Variants in ANXA3 observed in about 807,000 individuals in gnomAD.
The protein encoded by ANXA3 is 35-alpha calcimedin.
A neutral mutation model predicts 48.8 loss-of-function variants in ANXA3; 46 were observed. The ratio of observed to expected loss-of-function variants is 0.94; its 90% CI spans 0.74 to 1.21. The LOEUF (loss-of-function observed/expected upper bound fraction) is 1.21, where lower values mean the gene tolerates loss of function less well. Ranked by LOEUF, ANXA3 falls within the 50% of genes most tolerant of loss-of-function variation. The pLI, the probability that ANXA3 is intolerant of heterozygous loss-of-function variation, is 0.00. For missense variants in ANXA3, 383 were observed against 378.6 expected (o/e 1.01, Z -0.10); for synonymous variants, 128 against 134.7 (o/e 0.95, Z 0.35).
intron 5 of ANXA3, among the ~76,000 whole-genome samples, chr4:78,585,977 C>T (rs576024071): frequency 6.6e-5 from 10 of 152,162 alleles, no homozygotes; most frequent in Non-Finnish European, 1.2e-4. Context: ...TAGACTGTCA[C>T]TTCTAATCTT....
chr4:78,598,465 A>G (rs1723467778), intron 10 of ANXA3, among the ~76,000 whole-genome samples: 1 of 152,148 alleles, frequency 6.6e-6, no homozygotes, highest in Admixed American at 6.6e-5. Flanking sequence ...AGTCTTCATA[A>G]TTAGTTCTCA....
Position 78,570,248 on chromosome 4 carries a change from AT to A in ANXA3, c.16-2930del, listed in dbSNP as rs111407031. On this transcript the variant is annotated intron_variant, in intron 2 of 12. Coordinates refer to ENST00000264908, the MANE Select transcript of ANXA3 (RefSeq NM_005139.3). ...CCATTTAATTCTTGCTAAGTACTAA[AT>A]TGCATAATAAATTGGGAATTTCCTC... Among the ~76,000 whole-genome samples the A allele has an allele frequency of 9.2e-4, 140 of 152,316 alleles. 1 individual carries two copies. The highest frequency in any genetic ancestry group is 3.2e-3 in the African/African-American group (133 of 41,564).
chr4:78,571,836 C>T (rs2109931642), intron 2 of ANXA3, among the ~76,000 whole-genome samples: 2 of 152,288 alleles, frequency 1.3e-5, no homozygotes, highest in South Asian at 4.1e-4. Context: ...TTCTAATTTA[C>T]ATGCTTAAAA....
intron 10 of ANXA3, among the ~76,000 whole-genome samples, chr4:78,599,049 T>C (rs1723485610): frequency 1.3e-5 from 2 of 152,228 alleles, no homozygotes; most frequent in Non-Finnish European, 2.9e-5. Context: ...TATAATTCAA[T>C]TGAAGTTCAA....
intron 12 of ANXA3, 73 bp downstream of exon 12, chr4:78,604,472 A>C: frequency 8.0e-7 from 1 of 1,248,272 alleles, no homozygotes; most frequent in Non-Finnish European, 1.1e-6. Flanking sequence ...TATATGCCTT[A>C]AAATATAAAG....
At chr4:78,567,681 A>G (rs572042207) in intron 2 of ANXA3, among the ~76,000 whole-genome samples, 1 of 152,378 alleles carries the variant, frequency 6.6e-6, no homozygotes, top group East Asian at 1.9e-4. Flanking sequence ...AATAACTTGC[A>G]GATAAAGGTT....
At position 78,579,116 on chromosome 4, in the gene ANXA3, G is replaced by T; in HGVS notation, c.193G>T (p.Gly65Ter). The T allele has an allele frequency of 6.2e-7, 1 of 1,607,004 alleles. No homozygotes were observed. The highest frequency in any genetic ancestry group is 8.5e-7 in the Non-Finnish European group (1 of 1,174,244). ...LIVKEYQAAY[G>*]KELKDDLKGD... ...TGTTAAGGAATATCAAGCAGCATAT[G>T]GAAAGGTAAGGTCACATTAACATGA... The change falls in exon 4 of 13, where the codon GGA becomes TGA. Residue 65 changes from glycine (G) to a stop codon, truncating the protein, a stop_gained. Coordinates refer to ENST00000264908, the MANE Select transcript of ANXA3 (RefSeq NM_005139.3). LOFTEE classifies it high-confidence loss of function.
Position 78,566,847 on chromosome 4 carries a change from A to T in ANXA3, c.16-6333A>T, listed in dbSNP as rs114004004. Among the ~76,000 whole-genome samples, 995 of 152,342 alleles carry T rather than the reference A, an allele frequency of 6.5e-3. 13 individuals are homozygous for T. Among genetic ancestry groups the T allele is most frequent in the African/African-American group, 0.023 (964 of 41,572 alleles). ...ATTTAAAAAAGAAAAGCTGAAAAGT[A>T]TGAATATTTTTTCTTTGAGTGAGCC... is the stretch of plus-strand genomic sequence containing the variant. On this transcript the variant is annotated intron_variant, in intron 2 of 12. Coordinates refer to ENST00000264908, the MANE Select transcript of ANXA3 (RefSeq NM_005139.3).
At chr4:78,609,266 A>C (rs967977066) in intron 12 of ANXA3, among the ~76,000 whole-genome samples, 1 of 152,208 alleles carries the variant, frequency 6.6e-6, no homozygotes, top group Non-Finnish European at 1.5e-5. Context: ...AGTGATAAGA[A>C]GAGCTCACTG....
At chr4:78,577,407 C>A (rs1203616788) in intron 3 of ANXA3, among the ~76,000 whole-genome samples, 1 of 152,142 alleles carries the variant, frequency 6.6e-6, no homozygotes, top group Admixed American at 6.6e-5. Context: ...ATAAATTCCA[C>A]CCAGAATGTG....
At chr4:78,555,942 T>TA (rs879358970) in intron 2 of ANXA3, among the ~76,000 whole-genome samples, 29 of 146,058 alleles carry the variant, frequency 2.0e-4, no homozygotes, top group Admixed American at 4.1e-4. Context: ...TGGTGAAGGT[T>TA]AAAAAAAAAA....
intron 3 of ANXA3, among the ~76,000 whole-genome samples, chr4:78,573,858 T>A (rs1722892305): frequency 6.6e-6 from 1 of 152,198 alleles, no homozygotes; most frequent in Non-Finnish European, 1.5e-5. Flanking sequence ...AATTAGCATA[T>A]AATGAGATCC....
intron 11 of ANXA3, chr4:78,603,245 A>T (rs192259869): frequency 4.0e-4 from 61 of 152,368 alleles, no homozygotes; most frequent in African/African-American, 1.3e-3. Context: ...AGCACATGGA[A>T]TAATGCCTGG....
intron 7 of ANXA3, among the ~76,000 whole-genome samples, chr4:78,595,112 G>A (rs1179630095): frequency 6.6e-6 from 1 of 152,128 alleles, no homozygotes; most frequent in East Asian, 1.9e-4. Context: ...ACTCTGGCCT[G>A]GCCAACAGAG....
intron 11 of ANXA3, chr4:78,603,901 A>C (rs1473991908): frequency 6.4e-6 from 1 of 157,250 alleles, no homozygotes; most frequent in Non-Finnish European, 1.4e-5. Flanking sequence ...TCCTTGCTTA[A>C]ATGTCACTTT....
At chr4:78,598,528 T>C (rs188343001) in intron 10 of ANXA3, among the ~76,000 whole-genome samples, 45 of 151,318 alleles carry the variant, frequency 3.0e-4, no homozygotes, top group African/African-American at 1.1e-3. Flanking sequence ...CCATTTTACA[T>C]TGTTAATCTT....
At chr4:78,566,944 A>G (rs1722744132) in intron 2 of ANXA3, among the ~76,000 whole-genome samples, 2 of 152,234 alleles carry the variant, frequency 1.3e-5, no homozygotes, top group Admixed American at 6.5e-5. Context: ...TCAGCCTGGC[A>G]TATCTCAGGG....
intron 10 of ANXA3, among the ~76,000 whole-genome samples, chr4:78,601,087 G>A (rs972990809): frequency 1.3e-5 from 2 of 152,120 alleles, no homozygotes; most frequent in Admixed American, 6.6e-5. Flanking sequence ...GCCCCTGCGT[G>A]CCTAATGAGT....
chr4:78,583,071 G>T (rs1723104688), intron 5 of ANXA3, among the ~76,000 whole-genome samples: 1 of 152,200 alleles, frequency 6.6e-6, no homozygotes, highest in Admixed American at 6.5e-5. Context: ...AGGTGCTGTG[G>T]CTCTTGCCTG....
Sources: allele counts gnomAD v4.1 joint callset (sites outside exome capture counted in the v4.1 genomes callset), GRCh38; gene constraint gnomAD v4.1.1; transcripts MANE v1.5; gene names NCBI Gene and HGNC (gene_info 2026-07-23, HGNC 2026-07-21).